Variants in SPMIP4 observed in about 807,000 individuals in gnomAD.
SPMIP4 encodes sperm-associated microtubule inner protein 4.
the SPMIP4 span, chr7:25,155,287 T>C: frequency 1.8e-6 from 2 of 1,124,214 alleles, no homozygotes; most frequent in Non-Finnish European, 2.5e-6. Flanking sequence ...GACCCTTTTT[T>C]AAATGGCAGA....
At chr7:25,176,750 G>A in the SPMIP4 span, among the ~76,000 whole-genome samples, 1 of 152,104 alleles carries the variant, frequency 6.6e-6, no homozygotes, top group African/African-American at 2.4e-5. This position sits in a 1 kb window ranked among gnomAD's most constrained non-coding sequence, Gnocchi z 4.4. Flanking sequence ...TAAAGAATTT[G>A]TTTTCCTTAC....
At chr7:25,172,173 G>T in the SPMIP4 span, among the ~76,000 whole-genome samples, 1 of 152,184 alleles carries the variant, frequency 6.6e-6, no homozygotes, top group Non-Finnish European at 1.5e-5. The surrounding 1 kb of genome is among the most constrained non-coding windows in gnomAD (Gnocchi z 4.2). Context: ...CTTTTGTTTG[G>T]TAAAATATTC....
At chr7:25,140,767 T>C in the SPMIP4 span, among the ~76,000 whole-genome samples, 133 of 148,574 alleles carry the variant, frequency 9.0e-4, no homozygotes, top group African/African-American at 3.3e-3. Context: ...TTTGTATTTT[T>C]AGTAGAGACG....
chr7:25,169,259 T>C, the SPMIP4 span, among the ~76,000 whole-genome samples: 2 of 152,024 alleles, frequency 1.3e-5, no homozygotes, highest in African/African-American at 2.4e-5. Context: ...AAAAATAAAG[T>C]GTATAATTCA....
the SPMIP4 span, among the ~76,000 whole-genome samples, chr7:25,166,658 AG>A: frequency 6.6e-6 from 1 of 152,156 alleles, no homozygotes; most frequent in South Asian, 2.1e-4. Flanking sequence ...AGGCCGAGGC[AG>A]GTGGATCACC....
the SPMIP4 span, among the ~76,000 whole-genome samples, chr7:25,148,485 T>TTTTTTTTC: frequency 1.1e-5 from 1 of 87,142 alleles, no homozygotes; most frequent in African/African-American, 3.2e-5. Context: ...CTCTTTTTTT[T>TTTTTTTTC]TTTTTTTTTG....
the SPMIP4 span, among the ~76,000 whole-genome samples, chr7:25,144,882 G>T: frequency 5.3e-5 from 8 of 151,942 alleles, no homozygotes; most frequent in Non-Finnish European, 8.8e-5. Flanking sequence ...ACTTATTCAG[G>T]GATAAAGAAA....
At chr7:25,169,609 T>C in the SPMIP4 span, among the ~76,000 whole-genome samples, 1 of 152,168 alleles carries the variant, frequency 6.6e-6, no homozygotes, top group African/African-American at 2.4e-5. Flanking sequence ...TCGCTCTTGT[T>C]GCCCAGGCTG....
chr7:25,178,403 A>G, the SPMIP4 span, among the ~76,000 whole-genome samples: 2 of 152,348 alleles, frequency 1.3e-5, no homozygotes, highest in African/African-American at 4.8e-5. Context: ...AGAAATCACC[A>G]AACTGCTTTT....
chr7:25,168,035 T>C, the SPMIP4 span, among the ~76,000 whole-genome samples: 1 of 152,206 alleles, frequency 6.6e-6, no homozygotes, highest in Admixed American at 6.5e-5. Flanking sequence ...TTAATTGTTT[T>C]CTCTCTTTCT....
chr7:25,146,687 A>G, the SPMIP4 span, among the ~76,000 whole-genome samples: 1 of 152,236 alleles, frequency 6.6e-6, no homozygotes, highest in South Asian at 2.1e-4. Flanking sequence ...TTTCAAAGGG[A>G]AGCCAAGGGT....
At chr7:25,172,001 C>G in the SPMIP4 span, among the ~76,000 whole-genome samples, 1 of 152,100 alleles carries the variant, frequency 6.6e-6, no homozygotes, top group Non-Finnish European at 1.5e-5. The surrounding 1 kb of genome is among the most constrained non-coding windows in gnomAD (Gnocchi z 4.2). Context: ...TGCGGGAAAT[C>G]ACAAGATGTG....
the SPMIP4 span, among the ~76,000 whole-genome samples, chr7:25,153,697 G>A: frequency 2.5e-4 from 38 of 152,170 alleles, no homozygotes; most frequent in Admixed American, 1.2e-3. Flanking sequence ...GACAATTTAC[G>A]TAACAAAGTC....
the SPMIP4 span, among the ~76,000 whole-genome samples, chr7:25,174,304 A>C: frequency 4.9e-4 from 73 of 150,418 alleles, no homozygotes; most frequent in African/African-American, 1.7e-3. The surrounding 1 kb of genome is among the most constrained non-coding windows in gnomAD (Gnocchi z 4.5). Context: ...CTGCTAGCCC[A>C]GTAGTTCTCA....
chr7:25,145,244 A>G, the SPMIP4 span, among the ~76,000 whole-genome samples: 20,870 of 150,840 alleles, frequency 0.14, 1,474 homozygotes, highest in African/African-American at 0.18. Flanking sequence ...GATTACAGGC[A>G]TGAGTCACCA....
the SPMIP4 span, among the ~76,000 whole-genome samples, chr7:25,148,477 C>CTTTTTTTTTTTTTT: frequency 7.8e-6 from 1 of 128,184 alleles, no homozygotes; most frequent in Non-Finnish European, 1.6e-5. Flanking sequence ...GAATCTGCCT[C>CTTTTTTTTTTTTTT]TTTTTTTTTT....
the SPMIP4 span, among the ~76,000 whole-genome samples, chr7:25,130,722 G>A: frequency 6.6e-6 from 1 of 152,156 alleles, no homozygotes; most frequent in Non-Finnish European, 1.5e-5. Context: ...TCCTGAACAA[G>A]TAGGGGGTTA....
chr7:25,142,531 A>C, the SPMIP4 span: 1 of 1,027,438 alleles, frequency 9.7e-7, no homozygotes. Context: ...TTAGGATTTA[A>C]ATACTTTGAG....
At chr7:25,126,524 A>G in the SPMIP4 span, among the ~76,000 whole-genome samples, 2 of 152,204 alleles carry the variant, frequency 1.3e-5, no homozygotes, top group South Asian at 2.1e-4. Flanking sequence ...ACAACATAAC[A>G]TTGATTGCAT....
Sources: allele counts gnomAD v4.1 joint callset (sites outside exome capture counted in the v4.1 genomes callset), GRCh38; gene constraint gnomAD v4.1.1; non-coding constraint Gnocchi (gnomAD v3.1); transcripts MANE v1.5; gene names NCBI Gene and HGNC (gene_info 2026-07-23, HGNC 2026-07-21).